Variants in PTPRD observed in about 807,000 individuals in gnomAD.
PTPRD encodes receptor-type tyrosine-protein phosphatase delta.
In PTPRD, 34 loss-of-function variants were observed where a neutral mutation model predicts 214.5. The ratio of observed to expected loss-of-function variants is 0.16; its 90% CI spans 0.12 to 0.21. The LOEUF is 0.21. Ranked by LOEUF, PTPRD falls within the 10% of genes least tolerant of loss-of-function variation. The pLI, the probability that PTPRD is intolerant of heterozygous loss-of-function variation, is 1.00. For synonymous variants in PTPRD, 1,128 were observed against 845.7 expected (o/e 1.33, Z -5.79); for missense variants, 2,545 against 2,398.7 (o/e 1.06, Z -1.27).
Position 8,500,914 on chromosome 9 carries a change from A to G in PTPRD, c.1968T>C (p.Asp656=), listed in dbSNP as rs977032767. 19 of 1,614,048 alleles carry G rather than the reference A, an allele frequency of 1.2e-5. No individual in the cohort carries two copies. Among genetic ancestry groups the G allele is most frequent in the Non-Finnish European group, 1.6e-5 (19 of 1,180,030 alleles). The change falls in exon 24 of 46, where the codon GAT becomes GAC. Residue 656 remains aspartate (D), a synonymous_variant. Coordinates refer to ENST00000381196, the MANE Select transcript of PTPRD (RefSeq NM_002839.4). ...TTCCCAAAATCTCGTGAGGCTTGTC[A>G]TCTTCCCCATCCACTGCAGTGTACT... is the stretch of plus-strand genomic sequence containing the variant. ...SIKYTAVDGE[D]DKPHEILGIP... is the part of the protein sequence containing the mutation.
At chr9:10,273,377 G>A (rs1490825714) in intron 3 of PTPRD, among the ~76,000 whole-genome samples, 1 of 152,000 alleles carries the variant, frequency 6.6e-6, no homozygotes, top group East Asian at 1.9e-4. Context: ...AAGCCTATAA[G>A]AAAATTGTTT....
intron 3 of PTPRD, among the ~76,000 whole-genome samples, chr9:10,043,838 T>A (rs2097340997): frequency 6.6e-6 from 1 of 151,908 alleles, no homozygotes; most frequent in African/African-American, 2.4e-5. Flanking sequence ...TTTAGTAAGA[T>A]AAATATCCAA....
chr9:10,109,931 C>T (rs2098675293), intron 3 of PTPRD, among the ~76,000 whole-genome samples: 1 of 151,334 alleles, frequency 6.6e-6, no homozygotes, highest in South Asian at 2.1e-4. Flanking sequence ...CATTTTTCAG[C>T]TGTTTCCTGA....
intron 33 of PTPRD, among the ~76,000 whole-genome samples, chr9:8,458,281 G>C (rs1316054639): frequency 2.0e-5 from 3 of 152,064 alleles, no homozygotes; most frequent in African/African-American, 4.8e-5. Flanking sequence ...GAAGAAAATA[G>C]TTATCTTTTA....
intron 11 of PTPRD, among the ~76,000 whole-genome samples, chr9:8,815,795 T>TA (rs1338605201): frequency 6.6e-6 from 1 of 152,162 alleles, no homozygotes; most frequent in East Asian, 1.9e-4. Flanking sequence ...TCCAAGGACC[T>TA]AAATCAAGGG....
In PTPRD at chr9:8,985,804, A is replaced by G. The variant is rs147180344; in HGVS notation, c.-104+32893T>C. Among the ~76,000 whole-genome samples, 1,072 of 152,176 alleles carry G rather than the reference A, an allele frequency of 7.0e-3. 6 individuals carry two copies. The highest frequency in any genetic ancestry group is 0.011 in the Non-Finnish European group (766 of 67,968). On this transcript the variant is annotated intron_variant, in intron 11 of 45. Transcript: ENST00000381196. ...CCTATAGCCTGAGGTTAATGAAGTT[A>G]TTGAATGCCTCTTTTAAATAAAATA...
At position 8,388,669 on chromosome 9, in the gene PTPRD, A is replaced by G. The variant is rs543161130; in HGVS notation, c.4386+563T>C. ...ATGACTCCATTATTAAAATCTACTC[A>G]TTTTGGAGAAGTTTAAACTAGCAAA... On this transcript the variant is annotated intron_variant, in intron 37 of 45. Coordinates refer to ENST00000381196, the MANE Select transcript of PTPRD (RefSeq NM_002839.4). Among the ~76,000 whole-genome samples the G allele has an allele frequency of 3.3e-5, 5 of 152,262 alleles. No homozygotes were observed. In the East Asian group the frequency reaches 7.7e-4, roughly 24 times the overall value.
chr9:9,611,274 A>C (rs1462404421), intron 7 of PTPRD, among the ~76,000 whole-genome samples: 1 of 152,226 alleles, frequency 6.6e-6, no homozygotes, highest in African/African-American at 2.4e-5. Flanking sequence ...TGGAAAATCT[A>C]GATCAAAATA....
intron 2 of PTPRD, among the ~76,000 whole-genome samples, chr9:10,423,623 G>C (rs1206705586): frequency 6.6e-6 from 1 of 151,856 alleles, no homozygotes; most frequent in African/African-American, 2.4e-5. Flanking sequence ...AGAATGAAAA[G>C]TAGCAACACT....
intron 10 of PTPRD, among the ~76,000 whole-genome samples, chr9:9,125,510 T>C (rs1200595555): frequency 6.6e-6 from 1 of 152,214 alleles, no homozygotes; most frequent in South Asian, 2.1e-4. Flanking sequence ...AGAAAAGCAG[T>C]ATCTCCCACT....
chr9:10,159,702 A>G (rs1292966770), intron 3 of PTPRD, among the ~76,000 whole-genome samples: 1 of 152,046 alleles, frequency 6.6e-6, no homozygotes, highest in African/African-American at 2.4e-5. Context: ...AGTGAGAAAT[A>G]TATTTGCTGA....
chr9:8,856,589 G>A lies in PTPRD; in HGVS notation c.-103-122643C>T, dbSNP rs76986600. ...GAAATACAAGGAGAACGAGCCCTCA[G>A]GAATCTTCCTAGATACTTAAGGTGC... is the stretch of plus-strand genomic sequence containing the variant. On this transcript the variant is annotated intron_variant, in intron 11 of 45. Transcript: ENST00000381196. Among the ~76,000 whole-genome samples the A allele has an allele frequency of 1.1e-3, 161 of 152,260 alleles. 4 individuals are homozygous for A. In the East Asian group the frequency reaches 0.025, roughly 23 times the overall value.
At chr9:9,322,881 C>T (rs1967257485) in intron 9 of PTPRD, among the ~76,000 whole-genome samples, 1 of 152,148 alleles carries the variant, frequency 6.6e-6, no homozygotes, top group South Asian at 2.1e-4. Flanking sequence ...CCAAGATTTG[C>T]ACCTTGACAT....
At chr9:8,940,612 G>C (rs564835364) in intron 11 of PTPRD, among the ~76,000 whole-genome samples, 7 of 151,700 alleles carry the variant, frequency 4.6e-5, no homozygotes, top group African/African-American at 1.5e-4. Context: ...TCTTAAAAAG[G>C]TTATACCTAA....
chr9:10,503,415 T>C (rs1036098198), intron 2 of PTPRD, among the ~76,000 whole-genome samples: 1 of 152,026 alleles, frequency 6.6e-6, no homozygotes, highest in African/African-American at 2.4e-5. Flanking sequence ...CTACCAAAAA[T>C]ATTGAATAAT....
chr9:9,504,684 T>C (rs1486021381), intron 8 of PTPRD, among the ~76,000 whole-genome samples: 1 of 151,500 alleles, frequency 6.6e-6, no homozygotes, highest in Non-Finnish European at 1.5e-5. Flanking sequence ...ATAAAACGCA[T>C]CCAAGTCTGA....
intron 8 of PTPRD, among the ~76,000 whole-genome samples, chr9:9,433,640 A>C (rs1216786155): frequency 1.3e-5 from 2 of 152,196 alleles, no homozygotes; most frequent in Non-Finnish European, 2.9e-5. Flanking sequence ...GTCACAATGA[A>C]GCAACAGTCA....
intron 3 of PTPRD, among the ~76,000 whole-genome samples, chr9:10,319,005 C>T (rs773461627): frequency 2.0e-5 from 3 of 152,056 alleles, no homozygotes; most frequent in Non-Finnish European, 2.9e-5. Flanking sequence ...TTTTCCCTCT[C>T]CTTCTTCCCC....
intron 9 of PTPRD, among the ~76,000 whole-genome samples, chr9:9,356,263 G>A (rs1439078993): frequency 6.6e-6 from 1 of 151,290 alleles, no homozygotes; most frequent in African/African-American, 2.4e-5. Context: ...AAGTTTGTGT[G>A]GTTATAGAAA....
Sources: allele counts gnomAD v4.1 joint callset (sites outside exome capture counted in the v4.1 genomes callset), GRCh38; gene constraint gnomAD v4.1.1; transcripts MANE v1.5; gene names NCBI Gene and HGNC (gene_info 2026-07-23, HGNC 2026-07-21).